PRAMEF1: variants seen among roughly 807,000 people sequenced by gnomAD.
PRAMEF1 encodes the protein PRAME family member 1.
PRAMEF1 carries 21 observed loss-of-function variants against 38.2 expected under a neutral mutation model. The ratio of observed to expected loss-of-function variants is 0.55; its 90% CI spans 0.39 to 0.79. The LOEUF (loss-of-function observed/expected upper bound fraction) is 0.79. Ranked by LOEUF, PRAMEF1 falls within the 30% of genes least tolerant of loss-of-function variation. The pLI is 0.00. For missense variants in PRAMEF1, 497 were observed against 565.8 expected (o/e 0.88, Z 1.23); for synonymous variants, 200 against 229.0 (o/e 0.87, Z 1.14).
At chr1:12,792,103 T>C (rs1480740065) in intron 1 of PRAMEF1, among the ~76,000 whole-genome samples, 1 of 150,954 alleles carries the variant, frequency 6.6e-6, no homozygotes, top group Non-Finnish European at 1.5e-5. Flanking sequence ...CTCACTGAAA[T>C]TTCTGCCTCC....
At position 12,792,603 on chromosome 1, in the gene PRAMEF1, G is replaced by A. The variant is rs1317378038; in HGVS notation, c.-25-600G>A. ...TCAATTTGTTTTTGTTTGAGTCAGA[G>A]TCCAAGTCTGTCACCCAGGCTGGAG... is the stretch of plus-strand genomic sequence containing the variant. On this transcript the variant is annotated intron_variant, in intron 1 of 3. Coordinates refer to ENST00000332296, the MANE Select transcript of PRAMEF1 (RefSeq NM_023013.4). Among the ~76,000 whole-genome samples the A allele has an allele frequency of 2.0e-5, 3 of 151,268 alleles. No individual in the cohort carries two copies. In the Admixed American group the frequency reaches 2.0e-4, roughly 10 times the overall value.
In PRAMEF1 at chr1:12,792,304, G is replaced by A. The variant is rs531122123; in HGVS notation, c.-26+830G>A. The stretch of plus-strand genomic sequence containing the variant: ...CCCAAAGTGCTGGGATTACATGAGT[G>A]AGCCACCGCGCCCAGCTACAGTTAG... On this transcript the variant is annotated intron_variant, in intron 1 of 3. Transcript: ENST00000332296. Among the ~76,000 whole-genome samples, 15 of 151,248 alleles carry A rather than the reference G, an allele frequency of 9.9e-5. 1 individual carries two copies. The East Asian group carries it at 2.0e-3, about 20-fold the overall frequency.
intron 1 of PRAMEF1, among the ~76,000 whole-genome samples, chr1:12,792,862 C>G (rs932981563): frequency 4.6e-5 from 7 of 150,772 alleles, no homozygotes; most frequent in African/African-American, 1.5e-4. Flanking sequence ...ATAATGGCAT[C>G]GATTTTAGGG....
Position 12,794,272 on chromosome 1 carries a change from G to T in PRAMEF1, c.645G>T (p.Met215Ile). Residue 215 changes from methionine (M) to isoleucine (I), a missense_variant, in exon 3 of 4, where the codon ATG becomes ATT. This residue lies in a region of PRAMEF1 where 470 missense variants were observed against 501.9 expected (regional missense o/e 0.94). Coordinates refer to ENST00000332296, the MANE Select transcript of PRAMEF1 (RefSeq NM_023013.4). ...NSIQELEIRNMSWPRLIRKLR... is the reference protein window; with the variant it reads ...NSIQELEIRNISWPRLIRKLR... ...TTCAAGAGCTGGAAATTCGCAACAT[G>T]TCCTGGCCACGTCTGATAAGAAAGC... 3 of 1,611,930 alleles carry T rather than the reference G, an allele frequency of 1.9e-6. No individual in the cohort carries two copies. The highest frequency in any genetic ancestry group is 2.5e-6 in the Non-Finnish European group (3 of 1,178,826).
Position 12,794,436 on chromosome 1 carries a change from A to T in PRAMEF1, c.809A>T (p.Gln270Leu). 1 of 1,610,444 alleles carries T rather than the reference A, an allele frequency of 6.2e-7. No individual in the cohort carries two copies. The highest frequency in any genetic ancestry group is 8.5e-7 in the Non-Finnish European group (1 of 1,177,922). ...GTGTTCCTCAGGCTGGAACACCTTCAGTTGCTTAAAATAAAATTGATCACC... is the reference window on the plus strand; with the variant it reads ...GTGTTCCTCAGGCTGGAACACCTTCTGTTGCTTAAAATAAAATTGATCACC... ...SSVFLRLEHL[Q>L]LLKIKLITFF... The change falls in exon 3 of 4, where the codon CAG (glutamine) becomes CTG (leucine). Residue 270 changes from glutamine to leucine, a missense_variant. Physicochemically the swap from Gln to Leu is moderately radical, Grantham distance 113 (BLOSUM62 -2). This residue lies in a region of PRAMEF1 where 470 missense variants were observed against 501.9 expected (regional missense o/e 0.94). Coordinates refer to ENST00000332296, the MANE Select transcript of PRAMEF1 (RefSeq NM_023013.4).
chr1:12,794,855 C>A (rs200225858), intron 3 of PRAMEF1: 2 of 1,319,516 alleles, frequency 1.5e-6, no homozygotes, highest in Non-Finnish European at 1.0e-6. Flanking sequence ...GGAGGGAAAG[C>A]GCATCAAACC....
rs567311733 is a variant in PRAMEF1 at position 12,795,477 on chromosome 1, T to A, written c.906T>A (p.Tyr302Ter). The change falls in exon 4 of 4, where the codon TAT (tyrosine) becomes TAA (stop). Residue 302 changes from tyrosine (Y) to a stop codon, truncating the protein, a stop_gained. Coordinates refer to ENST00000332296, the MANE Select transcript of PRAMEF1 (RefSeq NM_023013.4). LOFTEE classifies it high-confidence loss of function. The stretch of plus-strand genomic sequence containing the variant: ...CCTTGGAGAACTTGGAATTAACTTA[T>A]GGCTACCTATTGGAAGAAGACATGA... ...QNPLENLELT[Y>*]GYLLEEDMKC... is the part of the protein sequence containing the mutation. 6.2e-7 allele frequency: 1 copy of A among 1,612,414 alleles called. No homozygotes were observed. The highest frequency in any genetic ancestry group is 8.5e-7 in the Non-Finnish European group (1 of 1,179,100).
Position 12,794,029 on chromosome 1 carries a change from A to C in PRAMEF1, c.402A>C (p.Thr134=), listed in dbSNP as rs754995540. Residue 134 remains threonine, a synonymous_variant, in exon 3 of 4, where the codon ACA becomes ACC. Transcript: ENST00000332296. ...CAGAGACCACGAGTAAGAGGCAGAC[A>C]GCAGAGGACTGTCCAAGGATGGGAG... ...CFPETTSKRQ[T]AEDCPRMGEH... is the part of the protein sequence containing the mutation. The C allele has an allele frequency of 6.2e-7, 1 of 1,608,582 alleles. No individual in the cohort carries two copies. The highest frequency in any genetic ancestry group is 2.2e-5 in the East Asian group (1 of 44,514).
intron 2 of PRAMEF1, among the ~76,000 whole-genome samples, 180 bp downstream of exon 2, chr1:12,793,694 G>A (rs1237617098): frequency 6.6e-6 from 1 of 151,384 alleles, no homozygotes; most frequent in Non-Finnish European, 1.5e-5. Flanking sequence ...ACCATACAGG[G>A]TCCACTGTGG....
Position 12,794,102 on chromosome 1 carries a change from C to T in PRAMEF1, c.475C>T (p.Pro159Ser). The T allele has an allele frequency of 1.9e-6, 3 of 1,609,788 alleles. No homozygotes were observed. Among genetic ancestry groups the T allele is most frequent in the Non-Finnish European group, 1.7e-6 (2 of 1,178,704 alleles). The change falls in exon 3 of 4, where the codon CCC becomes TCC. Residue 159 changes from proline (P) to serine (S), a missense_variant. Pro to Ser is a moderately conservative substitution (Grantham distance 74). Around this residue, in one of 2 missense-constraint regions of PRAMEF1, gnomAD observed 470 missense variants for 501.9 expected, o/e 0.94. Coordinates refer to ENST00000332296, the MANE Select transcript of PRAMEF1 (RefSeq NM_023013.4). Reference protein sequence around the residue: ...VFIDICLKEIPQDECLRYLFQ... With the variant: ...VFIDICLKEISQDECLRYLFQ... ...CATAGACATCTGCCTCAAGGAAATA[C>T]CCCAGGATGAATGCCTGAGATACCT...
Position 12,796,287 on chromosome 1 carries a change from C to G in PRAMEF1, c.*291C>G, listed in dbSNP as rs1192643506. 19 of 505,408 alleles carry G rather than the reference C, an allele frequency of 3.8e-5. No individual in the cohort carries two copies. The East Asian group carries it at 7.7e-4, about 21-fold the overall frequency. The allele number at this position is 505,408 out of a possible 1,614,324, so 31.3% of individuals were successfully genotyped here. Reference sequence around the variant, plus strand: ...ACATGCAACTTAAAGGAAGCACAGGCAAGTGTTCAGTGTGAGGGAAAAAAC... The same window carrying G: ...ACATGCAACTTAAAGGAAGCACAGGGAAGTGTTCAGTGTGAGGGAAAAAAC... On this transcript the variant is annotated 3_prime_UTR_variant, in exon 4 of 4. Coordinates refer to ENST00000332296, the MANE Select transcript of PRAMEF1 (RefSeq NM_023013.4).
In PRAMEF1 at chr1:12,793,415, G is replaced by A. The variant is rs780840261; in HGVS notation, c.188G>A (p.Cys63Tyr). 1 of 1,610,114 alleles carries A rather than the reference G, an allele frequency of 6.2e-7. No individual in the cohort carries two copies. Among genetic ancestry groups the A allele is most frequent in the Non-Finnish European group, 8.5e-7 (1 of 1,177,954 alleles). ...ATGGTTCAGGCCTGGCCCTTCACCT[G>A]CCTCCCTCTGGGATCACTGATGAAG... ...TVMVQAWPFT[C>Y]LPLGSLMKTL... Residue 63 changes from cysteine to tyrosine, a missense_variant, in exon 2 of 4, where the codon TGC becomes TAC. Physicochemically the swap from Cys to Tyr is radical, Grantham distance 194 (BLOSUM62 -2). This residue lies in a region of PRAMEF1 where 470 missense variants were observed against 501.9 expected (regional missense o/e 0.94). Coordinates refer to ENST00000332296, the MANE Select transcript of PRAMEF1 (RefSeq NM_023013.4).
Position 12,794,218 on chromosome 1 carries a change from G to C in PRAMEF1, c.591G>C (p.Lys197Asn), listed in dbSNP as rs761970939. Residue 197 changes from lysine to asparagine, a missense_variant, in exon 3 of 4, where the codon AAG (lysine) becomes AAC (asparagine). Lys to Asn is a moderately conservative substitution (Grantham distance 94). Transcript: ENST00000332296. ...TAACGCCGATTAAATATCTCAGAAAGTCATTGAAAATAATATACCTGAATA... is the reference window on the plus strand; with the variant it reads ...TAACGCCGATTAAATATCTCAGAAACTCATTGAAAATAATATACCTGAATA... ...NYLTPIKYLR[K>N]SLKIIYLNSI... The C allele has an allele frequency of 2.5e-6, 4 of 1,611,484 alleles. 1 individual carries two copies. The highest frequency in any genetic ancestry group is 3.4e-6 in the Non-Finnish European group (4 of 1,178,440).
rs1369387806 is a variant in PRAMEF1, at chr1:12,793,909, C to G, written c.288-6C>G. The G allele has an allele frequency of 6.2e-7, 1 of 1,608,556 alleles. No homozygotes were observed. Among genetic ancestry groups the G allele is most frequent in the South Asian group, 1.1e-5 (1 of 90,432 alleles). On this transcript the variant is annotated splice_polypyrimidine_tract_variant and splice_region_variant and intron_variant, in intron 2 of 3. Coordinates refer to ENST00000332296, the MANE Select transcript of PRAMEF1 (RefSeq NM_023013.4). ...ATTCTGAGTCTCTCCCTTACTTTAC[C>G]CACAGGAGGTGGAAACTTCAAGTGC...
intron 3 of PRAMEF1, chr1:12,795,005 A>G (rs958415929): frequency 4.7e-6 from 6 of 1,285,460 alleles, no homozygotes; most frequent in Non-Finnish European, 6.2e-6. Flanking sequence ...TCCGGGATGG[A>G]GGTGAGGGAG....
chr1:12,791,989 C>T (rs1639301348), intron 1 of PRAMEF1, among the ~76,000 whole-genome samples: 1 of 151,052 alleles, frequency 6.6e-6, no homozygotes, highest in Non-Finnish European at 1.5e-5. Flanking sequence ...AGTTACAGTG[C>T]TCTAGAATAG....
rs192963002 is a variant in PRAMEF1 at position 12,791,405 on chromosome 1, C to G, written c.-95C>G. The G allele has an allele frequency of 4.1e-4, 59 of 144,514 alleles. No individual in the cohort carries two copies. The highest frequency in any genetic ancestry group is 1.4e-3 in the African/African-American group (57 of 40,722). The allele number at this position is 144,514 out of a possible 1,614,324, so 9.0% of individuals were successfully genotyped here. ...GAGGGTACCCAGAAGAGACCCACAG[C>G]ACTCATTCCTGGAGCTACTGGTTGG... On this transcript the variant is annotated 5_prime_UTR_variant, in exon 1 of 4. Coordinates refer to ENST00000332296, the MANE Select transcript of PRAMEF1 (RefSeq NM_023013.4).
rs769862193 is a variant in PRAMEF1, at chr1:12,794,388, G to A, written c.761G>A (p.Arg254Gln). Residue 254 changes from arginine (R) to glutamine (Q), a missense_variant, in exon 3 of 4, where the codon CGG (arginine) becomes CAG (glutamine). Around this residue, in one of 2 missense-constraint regions of PRAMEF1, gnomAD observed 470 missense variants for 501.9 expected, o/e 0.94. Transcript: ENST00000332296. ...HYTSDNELEG[R>Q]LVAKFSSVFL... The stretch of plus-strand genomic sequence containing the variant: ...ACGTCAGATAATGAACTCGAAGGAC[G>A]GTTAGTTGCCAAATTCAGCTCTGTG... 11 of 1,610,858 alleles carry A rather than the reference G, an allele frequency of 6.8e-6. No individual in the cohort carries two copies. The highest frequency in any genetic ancestry group is 2.2e-5 in the South Asian group (2 of 90,750).
Position 12,795,359 on chromosome 1 carries a change from G to T in PRAMEF1, c.867-79G>T, listed in dbSNP as rs572237300. The stretch of plus-strand genomic sequence containing the variant: ...GGGAACAAACTTGTGTTTGTTTGAC[G>T]CAGGCATTTTCCTAGATGAAGGCAC... On this transcript the variant is annotated intron_variant, in intron 3 of 3. Coordinates refer to ENST00000332296, the MANE Select transcript of PRAMEF1 (RefSeq NM_023013.4). 13 of 1,494,866 alleles carry T rather than the reference G, an allele frequency of 8.7e-6. No individual in the cohort carries two copies. The South Asian group carries it at 1.4e-4, about 17-fold the overall frequency. The allele number at this position is 1,494,866 out of a possible 1,614,324, so 92.6% of individuals were successfully genotyped here.
Sources: gnomAD v4.1 joint callset for allele counts (sites outside exome capture counted in the v4.1 genomes callset) on GRCh38, gnomAD v4.1.1 for gene constraint, gnomAD v4.1.1 regional missense constraint, MANE v1.5 for transcripts, NCBI Gene and HGNC (gene_info 2026-07-23, HGNC 2026-07-21) for gene names.